The following KLRG1 variants were observed in gnomAD, a reference collection of about 807,000 sequenced individuals.
The protein encoded by KLRG1 is killer cell lectin-like receptor subfamily G member 1.
KLRG1 carries 16 observed loss-of-function variants against 21.8 expected under a neutral mutation model. That is an observed-to-expected ratio of 0.73 (90% CI 0.50 to 1.11). The LOEUF is 1.11. Among genes scored for constraint, KLRG1 ranks in the 50% most tolerant of loss-of-function variants. The pLI is 0.00. For missense variants in KLRG1, 173 were observed against 218.3 expected (o/e 0.79, Z 1.31); for synonymous variants, 69 against 75.9 (o/e 0.91, Z 0.47).
chr12:9,090,442 A>C, the KLRG1 span: 3 of 1,613,984 alleles, frequency 1.9e-6, no homozygotes, highest in Non-Finnish European at 2.5e-6. Flanking sequence ...CTCCACTGGG[A>C]CAGCTAGGAA....
chr12:9,150,733 G>A, the KLRG1 span: 50 of 1,610,488 alleles, frequency 3.1e-5, no homozygotes, highest in Middle Eastern at 5.0e-4. Flanking sequence ...AAAACTTAGC[G>A]TCTGATTTGT....
rs1041960830 is a variant in KLRG1 at position 8,959,131 on chromosome 12, A to G, written c.-156+8895A>G. Reference sequence around the variant, plus strand: ...ACAGTTAAAACCACATTCATAAAACAAAGTTAAAATTATGGTAGGGGCTTG... The same window carrying G: ...ACAGTTAAAACCACATTCATAAAACGAAGTTAAAATTATGGTAGGGGCTTG... On this transcript the variant is annotated intron_variant, in intron 1 of 4. Transcript: ENST00000539240. Among the ~76,000 whole-genome samples, 4 of 152,230 alleles carry G rather than the reference A, an allele frequency of 2.6e-5. No homozygotes were observed. In the South Asian group the frequency reaches 8.3e-4, roughly 31 times the overall value.
chr12:9,183,829 A>G, the KLRG1 span, among the ~76,000 whole-genome samples: 1 of 152,358 alleles, frequency 6.6e-6, no homozygotes, highest in South Asian at 2.1e-4. Context: ...CTTATTTTAT[A>G]TCACTATGTG....
the KLRG1 span, among the ~76,000 whole-genome samples, chr12:9,088,638 G>A: frequency 3.3e-5 from 5 of 152,256 alleles, no homozygotes; most frequent in South Asian, 8.3e-4. Context: ...AGAATGCATT[G>A]TGCTGATAAA....
the KLRG1 span, among the ~76,000 whole-genome samples, chr12:9,210,791 C>T: frequency 6.6e-6 from 1 of 152,076 alleles, no homozygotes; most frequent in South Asian, 2.1e-4. Context: ...AAAACATCCT[C>T]CCATGTTTAT....
the KLRG1 span, chr12:9,077,336 T>A: frequency 1.2e-6 from 2 of 1,610,130 alleles, no homozygotes; most frequent in Non-Finnish European, 1.7e-6. Flanking sequence ...AGGAATGGGG[T>A]GGTACCTACA....
At chr12:9,160,348 C>T in the KLRG1 span, 2 of 1,614,100 alleles carry the variant, frequency 1.2e-6, no homozygotes, top group Non-Finnish European at 1.7e-6. Context: ...TGGCCTTGAT[C>T]TCCTGCGTCA....
the KLRG1 span, among the ~76,000 whole-genome samples, chr12:9,020,367 G>C: frequency 1.3e-5 from 2 of 152,100 alleles, no homozygotes; most frequent in African/African-American, 4.8e-5. Context: ...TCTCACAAAA[G>C]TTTCCACATG....
At chr12:9,026,064 C>T in the KLRG1 span, among the ~76,000 whole-genome samples, 14 of 152,206 alleles carry the variant, frequency 9.2e-5, no homozygotes, top group East Asian at 5.8e-4. Context: ...TACTATTGCA[C>T]GGTTTTTGGC....
chr12:9,054,987 C>T, the KLRG1 span, among the ~76,000 whole-genome samples: 1 of 152,150 alleles, frequency 6.6e-6, no homozygotes, highest in South Asian at 2.1e-4. Flanking sequence ...CACTTCTGGT[C>T]CCAAGTATTT....
the KLRG1 span, among the ~76,000 whole-genome samples, chr12:9,063,012 T>G: frequency 6.6e-6 from 1 of 152,032 alleles, no homozygotes; most frequent in East Asian, 1.9e-4. Flanking sequence ...TATTGCATAA[T>G]AGAAAAAAAC....
At chr12:9,044,643 G>C in the KLRG1 span, among the ~76,000 whole-genome samples, 11 of 151,858 alleles carry the variant, frequency 7.2e-5, no homozygotes, top group African/African-American at 2.7e-4. Flanking sequence ...CTCCAGCCTG[G>C]GCAACAGAGT....
chr12:9,197,069 T>C, the KLRG1 span: 1 of 1,613,556 alleles, frequency 6.2e-7, no homozygotes. Flanking sequence ...CACGAGATAA[T>C]TTTCTACACA....
At chr12:9,098,429 G>GTT in the KLRG1 span, 17 of 368,658 alleles carry the variant, frequency 4.6e-5, no homozygotes, top group East Asian at 9.9e-5. Context: ...GAAGTGAGTA[G>GTT]TTATATATAT....
chr12:9,155,773 T>C, the KLRG1 span: 1 of 152,796 alleles, frequency 6.5e-6, no homozygotes, highest in African/African-American at 2.4e-5. Context: ...TAAATGAAGA[T>C]CTCAAGATGA....
chr12:8,956,039 T>G (rs1946286936), intron 1 of KLRG1, among the ~76,000 whole-genome samples: 1 of 152,262 alleles, frequency 6.6e-6, no homozygotes. Flanking sequence ...CACCTTTGGG[T>G]CCCCTCTCTG....
At chr12:9,136,462 C>T in the KLRG1 span, among the ~76,000 whole-genome samples, 1 of 151,998 alleles carries the variant, frequency 6.6e-6, no homozygotes, top group African/African-American at 2.4e-5. Flanking sequence ...AATTTTTCTT[C>T]TGTAATAAAT....
the KLRG1 span, among the ~76,000 whole-genome samples, chr12:9,191,806 A>G: frequency 6.6e-6 from 1 of 152,296 alleles, no homozygotes; most frequent in East Asian, 1.9e-4. Context: ...AAAAAAATCT[A>G]TCACCTTTCT....
the KLRG1 span, among the ~76,000 whole-genome samples, chr12:9,056,122 A>T: frequency 6.6e-6 from 1 of 152,214 alleles, no homozygotes; most frequent in Non-Finnish European, 1.5e-5. Flanking sequence ...GGGACACTGT[A>T]TTCAGCAAAT....
Sources: allele counts gnomAD v4.1 joint callset (sites outside exome capture counted in the v4.1 genomes callset), GRCh38; gene constraint gnomAD v4.1.1; transcripts MANE v1.5; gene names NCBI Gene and HGNC (gene_info 2026-07-23, HGNC 2026-07-21).